SLIT1: variants seen among roughly 807,000 people sequenced by gnomAD.
SLIT1 encodes slit guidance ligand 1.
A neutral mutation model predicts 186.1 loss-of-function variants in SLIT1; 66 were observed. The observed-to-expected ratio is 0.35, with a 90% CI of 0.29 to 0.44. SLIT1 has a LOEUF of 0.44. SLIT1 is among the 20% of genes least tolerant of loss of function. The probability of loss-of-function intolerance (pLI) is 1.00; values close to 1 mark genes in which losing one functional copy is unlikely to be tolerated. For synonymous variants in SLIT1, 761 were observed against 833.8 expected (o/e 0.91, Z 1.50); for missense variants, 1,638 against 2,037.4 (o/e 0.80, Z 3.77).
intron 13 of SLIT1, among the ~76,000 whole-genome samples, chr10:97,049,902 C>A (rs187384450): frequency 6.6e-6 from 1 of 152,188 alleles, no homozygotes; most frequent in African/African-American, 2.4e-5. Context: ...TTGCTGTGTG[C>A]GACCCCATGC....
At chr10:97,169,934 T>C (rs989674282) in intron 1 of SLIT1, among the ~76,000 whole-genome samples, 14 of 152,244 alleles carry the variant, frequency 9.2e-5, no homozygotes, top group Non-Finnish European at 1.3e-4. Context: ...TGTGATTCCA[T>C]GTTCTGTCTC....
chr10:97,033,899 C>T (rs938913121), intron 23 of SLIT1, among the ~76,000 whole-genome samples: 8 of 142,950 alleles, frequency 5.6e-5, no homozygotes, highest in African/African-American at 1.6e-4. Context: ...GAGTCTCGCT[C>T]TATCACCCAG....
intron 23 of SLIT1, 134 bp downstream of exon 23, chr10:97,034,337 A>G: frequency 1.4e-6 from 1 of 717,106 alleles, no homozygotes; most frequent in South Asian, 1.5e-5. Context: ...TTAGGCTCTC[A>G]GGCCCGGCAC....
At chr10:97,141,963 C>A (rs908825599) in intron 4 of SLIT1, among the ~76,000 whole-genome samples, 5 of 152,008 alleles carry the variant, frequency 3.3e-5, no homozygotes, top group Non-Finnish European at 4.4e-5. Flanking sequence ...CCACACCCAG[C>A]GAATTTTTTT....
intron 12 of SLIT1, among the ~76,000 whole-genome samples, chr10:97,056,904 G>A (rs989536077): frequency 1.3e-5 from 2 of 152,194 alleles, no homozygotes; most frequent in African/African-American, 2.4e-5. Context: ...GCTGGCCTGG[G>A]TGTCCCCCCT....
At chr10:97,141,691 CGT>C (rs1564686421) in intron 4 of SLIT1, among the ~76,000 whole-genome samples, 7 of 101,392 alleles carry the variant, frequency 6.9e-5, no homozygotes, top group African/African-American at 4.0e-4. Flanking sequence ...TGTATCGTAT[CGT>C]ATCGTATCGT....
intron 28 of SLIT1, among the ~76,000 whole-genome samples, chr10:97,017,611 C>T (rs1244818897): frequency 2.0e-5 from 3 of 152,094 alleles, no homozygotes; most frequent in African/African-American, 7.2e-5. Context: ...GGAGGGCTAT[C>T]CCCTCCCACA....
Position 97,166,569 on chromosome 10 carries a change from G to GAGAAAGAAAGAA in SLIT1, c.198-1691_198-1680dup, listed in dbSNP as rs1554854785. ...AAGGAAGGAAGGAAAGAGAGAGAGA[G>GAGAAAGAAAGAA]AGAAAGAAAGAAAGAAAGAAAGAAA... On this transcript the variant is annotated intron_variant, in intron 1 of 36. Coordinates refer to ENST00000266058, the MANE Select transcript of SLIT1 (RefSeq NM_003061.3). Among the ~76,000 whole-genome samples the GAGAAAGAAAGAA allele has an allele frequency of 1.5e-3, 90 of 58,938 alleles. 3 individuals carry two copies. The highest frequency in any genetic ancestry group is 1.9e-3 in the Admixed American group (10 of 5,274). The allele number at this position is 58,938 out of a possible 152,430, so 38.7% of individuals were successfully genotyped here. A position where few individuals can be genotyped will look rare whatever the true frequency, so the allele number is the denominator to read the frequency against.
chr10:97,059,910 C>A (rs985610972), intron 10 of SLIT1, among the ~76,000 whole-genome samples, 177 bp downstream of exon 10: 1 of 152,222 alleles, frequency 6.6e-6, no homozygotes, highest in Admixed American at 6.5e-5. Flanking sequence ...CACGATAGCC[C>A]TGCAAGGAGG....
At chr10:97,015,950 G>A (rs746006992) in intron 28 of SLIT1, among the ~76,000 whole-genome samples, 13 of 152,114 alleles carry the variant, frequency 8.5e-5, no homozygotes, top group Non-Finnish European at 1.8e-4. Flanking sequence ...ACTAGTTAGA[G>A]GAGAAAAAAG....
At position 97,185,531 on chromosome 10, in the gene SLIT1, G is replaced by T. The variant is rs1850401041; in HGVS notation, c.144C>A (p.His48Gln). Residue 48 changes from histidine (H) to glutamine (Q), a missense_variant, in exon 1 of 37, where the codon CAC becomes CAA. Transcript: ENST00000266058. ...TGGGAATGGCCTGCAGCCCCGTGCC[G>T]TGGCAGTCCACCGTGGTTCCGGTGC... ...CTCTGTTVDC[H>Q]GTGLQAIPKN... is the part of the protein sequence containing the mutation. 1 of 1,612,246 alleles carries T rather than the reference G, an allele frequency of 6.2e-7. No homozygotes were observed. The highest frequency in any genetic ancestry group is 8.5e-7 in the Non-Finnish European group (1 of 1,179,660).
chr10:97,045,982 A>C (rs1848730192), intron 18 of SLIT1, among the ~76,000 whole-genome samples: 1 of 152,212 alleles, frequency 6.6e-6, no homozygotes, highest in Admixed American at 6.5e-5. Flanking sequence ...CACTAGCCAC[A>C]TTTCAACTGC....
intron 4 of SLIT1, chr10:97,101,240 A>C (rs1849350010): frequency 6.6e-6 from 1 of 152,210 alleles, no homozygotes; most frequent in Non-Finnish European, 1.5e-5. Context: ...CACCAGAACC[A>C]GCTTCCTGGC....
At position 97,004,938 on chromosome 10, in the gene SLIT1, C is replaced by A; in HGVS notation, c.3580-115G>T. 3 of 1,265,570 alleles carry A rather than the reference C, an allele frequency of 2.4e-6. No homozygotes were observed. Among genetic ancestry groups the A allele is most frequent in the Non-Finnish European group, 3.3e-6 (3 of 897,128 alleles). The allele number at this position is 1,265,570 out of a possible 1,614,324, so 78.4% of individuals were successfully genotyped here. A position where few individuals can be genotyped will look rare whatever the true frequency, so the allele number is the denominator to read the frequency against. ...GAAGAGAGATGCTCTGTGCAGAGCGCTCTTCCCCCACCTGGCCAGCCTCCC... is the reference window on the plus strand; with the variant it reads ...GAAGAGAGATGCTCTGTGCAGAGCGATCTTCCCCCACCTGGCCAGCCTCCC... On this transcript the variant is annotated intron_variant, in intron 32 of 36. Transcript: ENST00000266058. The surrounding 1 kb of genome is among the most constrained non-coding windows in gnomAD (Gnocchi z 5.1).
chr10:97,033,535 G>A (rs75130091), intron 23 of SLIT1, among the ~76,000 whole-genome samples: 2,346 of 152,316 alleles, frequency 0.015, 24 homozygotes, highest in Non-Finnish European at 0.024. Flanking sequence ...AATAGATGAG[G>A]AAAGTGTGGC....
At chr10:97,103,278 C>G (rs1274248736) in intron 4 of SLIT1, 1 of 152,302 alleles carries the variant, frequency 6.6e-6, no homozygotes, top group East Asian at 1.9e-4. Context: ...CTGGCCTTCT[C>G]CAAGATCCAA....
At chr10:97,025,536 G>A (rs954416112) in intron 25 of SLIT1, among the ~76,000 whole-genome samples, 3 of 151,986 alleles carry the variant, frequency 2.0e-5, no homozygotes, top group Non-Finnish European at 2.9e-5. Flanking sequence ...ATTCATCTGG[G>A]GACTATTTCT....
intron 28 of SLIT1, among the ~76,000 whole-genome samples, chr10:97,017,436 C>T (rs979615732): frequency 3.9e-5 from 6 of 152,236 alleles, no homozygotes; most frequent in African/African-American, 1.4e-4. Context: ...ATGTATTCCT[C>T]AGAAAAGCTC....
chr10:97,166,148 C>T (rs537086149), intron 1 of SLIT1, among the ~76,000 whole-genome samples: 4 of 152,140 alleles, frequency 2.6e-5, no homozygotes, highest in South Asian at 2.1e-4. Context: ...AAAAGTTCTG[C>T]GTATGGCCAA....
Sources: allele counts gnomAD v4.1 joint callset (sites outside exome capture counted in the v4.1 genomes callset), GRCh38; gene constraint gnomAD v4.1.1; non-coding constraint Gnocchi (gnomAD v3.1); transcripts MANE v1.5; gene names NCBI Gene and HGNC (gene_info 2026-07-23, HGNC 2026-07-21).